NRG1: variants seen among roughly 807,000 people sequenced by gnomAD.
NRG1 encodes neuregulin 1, also known as pro-neuregulin-1, membrane-bound isoform.
Under a neutral mutation model 63.8 loss-of-function variants are expected in NRG1, and 18 were observed. The observed-to-expected ratio is 0.28, with a 90% CI of 0.19 to 0.42. The LOEUF (loss-of-function observed/expected upper bound fraction) is 0.42, where lower values mean the gene tolerates loss of function less well. Among genes scored for constraint, NRG1 ranks in the 10% least tolerant of loss-of-function variants. The pLI is 1.00. For missense variants in NRG1, 762 were observed against 814.7 expected (o/e 0.94, Z 0.79); for synonymous variants, 302 against 301.3 (o/e 1.00, Z -0.02).
At chr8:32,518,165 T>A (rs1163389443) in intron 1 of NRG1, among the ~76,000 whole-genome samples, 1 of 152,184 alleles carries the variant, frequency 6.6e-6, no homozygotes, top group Non-Finnish European at 1.5e-5. Context: ...CATCACATCC[T>A]TTTCATGCTT....
chr8:32,297,959 C>G (rs192172969), intron 1 of NRG1, among the ~76,000 whole-genome samples: 7 of 152,166 alleles, frequency 4.6e-5, no homozygotes, highest in Non-Finnish European at 8.8e-5. Flanking sequence ...CTACTAGAAG[C>G]GAACTAATTC....
intron 1 of NRG1, among the ~76,000 whole-genome samples, chr8:32,220,565 G>A (rs894757593): frequency 3.3e-5 from 5 of 152,098 alleles, no homozygotes; most frequent in African/African-American, 1.2e-4. Context: ...CAAAGAACTT[G>A]GGGAGAAATA....
chr8:32,030,685 C>G (rs1818132732), intron 1 of NRG1, among the ~76,000 whole-genome samples: 1 of 152,034 alleles, frequency 6.6e-6, no homozygotes, highest in Non-Finnish European at 1.5e-5. Flanking sequence ...TGCTTAATCC[C>G]CTTCACAAAG....
In NRG1 at chr8:31,955,013, A is replaced by T. The variant is rs1259574552; in HGVS notation, c.37+315582A>T. Among the ~76,000 whole-genome samples the T allele has an allele frequency of 3.3e-5, 5 of 152,276 alleles. No homozygotes were observed. In the East Asian group the frequency reaches 7.7e-4, roughly 24 times the overall value. Reference sequence around the variant, plus strand: ...AAGAGAAATAGAGGGAGTGGAGGGGATGAGAGAAGGGAAAGAGAAAGAGAG... The same window carrying T: ...AAGAGAAATAGAGGGAGTGGAGGGGTTGAGAGAAGGGAAAGAGAAAGAGAG... On this transcript the variant is annotated intron_variant, in intron 1 of 10. Transcript: ENST00000519301.
chr8:32,299,025 CA>C (rs34799826), intron 1 of NRG1, among the ~76,000 whole-genome samples: 949 of 59,560 alleles, frequency 0.016, 3 homozygotes, highest in Middle Eastern at 0.031. Flanking sequence ...GACTCTATCT[CA>C]AAAAAAAAAA....
chr8:31,846,589 C>T (rs1269816923), intron 1 of NRG1, among the ~76,000 whole-genome samples: 1 of 152,136 alleles, frequency 6.6e-6, no homozygotes, highest in Non-Finnish European at 1.5e-5. Flanking sequence ...ACTGTAAGTG[C>T]TCACAGGATA....
chr8:31,878,429 G>A lies in NRG1; in HGVS notation c.37+238998G>A, dbSNP rs562978866. The stretch of plus-strand genomic sequence containing the variant: ...ATGTACGAGTGCAATAAGGAGTTGC[G>A]TTTGATAGGGCCAAAAAGCCCTGAA... On this transcript the variant is annotated intron_variant, in intron 1 of 10. Coordinates refer to the NRG1 transcript ENST00000519301. Among the ~76,000 whole-genome samples, 200 of 152,226 alleles carry A rather than the reference G, an allele frequency of 1.3e-3. 1 individual carries two copies. Among genetic ancestry groups the A allele is most frequent in the African/African-American group, 4.7e-3 (194 of 41,542 alleles).
chr8:31,901,283 C>G (rs1368533257), intron 1 of NRG1, among the ~76,000 whole-genome samples: 1 of 152,160 alleles, frequency 6.6e-6, no homozygotes, highest in Non-Finnish European at 1.5e-5. Flanking sequence ...GGTTCTTTCT[C>G]TTCTACATGT....
chr8:32,386,759 A>G (rs1209217442), intron 1 of NRG1, among the ~76,000 whole-genome samples: 1 of 152,210 alleles, frequency 6.6e-6, no homozygotes, highest in Non-Finnish European at 1.5e-5. Context: ...CCAATTTTGT[A>G]CTTTCTCTTT....
At chr8:31,905,022 G>GT (rs869027292) in intron 1 of NRG1, among the ~76,000 whole-genome samples, 1 of 146,958 alleles carries the variant, frequency 6.8e-6, no homozygotes, top group South Asian at 2.1e-4. Flanking sequence ...CCAAAATAAA[G>GT]TTTTTTTAAA....
intron 1 of NRG1, among the ~76,000 whole-genome samples, chr8:32,102,031 G>A (rs1585302032): frequency 6.6e-6 from 1 of 152,152 alleles, no homozygotes; most frequent in East Asian, 1.9e-4. Context: ...TCGTCGGAGG[G>A]TAAATCTGGC....
At chr8:32,151,055 G>A (rs1585671104) in intron 1 of NRG1, among the ~76,000 whole-genome samples, 1 of 152,118 alleles carries the variant, frequency 6.6e-6, no homozygotes, top group African/African-American at 2.4e-5. Context: ...TCAGGAAGAA[G>A]TGTAATAGCT....
chr8:32,240,731 C>T (rs1848014881), intron 1 of NRG1, among the ~76,000 whole-genome samples: 1 of 151,922 alleles, frequency 6.6e-6, no homozygotes, highest in Non-Finnish European at 1.5e-5. Context: ...AAAAAAAATG[C>T]TTTGTCCTAT....
At chr8:32,445,600 C>A (rs1260482165) in intron 1 of NRG1, among the ~76,000 whole-genome samples, 13 of 152,138 alleles carry the variant, frequency 8.5e-5, no homozygotes, top group Non-Finnish European at 1.2e-4. Flanking sequence ...ACCAAAAAAA[C>A]AAACAACAAT....
chr8:32,540,880 GTAATC>G (rs1832508445), intron 1 of NRG1, among the ~76,000 whole-genome samples: 1 of 148,492 alleles, frequency 6.7e-6, no homozygotes, highest in Non-Finnish European at 1.5e-5. Context: ...CCATAAGAAT[GTAATC>G]TTCTGCATGG....
downstream of NRG1, among the ~76,000 whole-genome samples, chr8:32,769,137 T>C (rs189018561): frequency 1.6e-3 from 248 of 152,328 alleles, no homozygotes; most frequent in African/African-American, 5.7e-3. Context: ...CAACCAGCCA[T>C]GCAGAGAATA....
intron 1 of NRG1, among the ~76,000 whole-genome samples, chr8:31,857,872 AACAT>A (rs1347930240): frequency 2.0e-5 from 3 of 152,232 alleles, no homozygotes; most frequent in African/African-American, 7.2e-5. Flanking sequence ...GGAACTAACG[AACAT>A]ACAGTGTAGT....
At chr8:32,414,589 C>T (rs1004177743) in intron 1 of NRG1, among the ~76,000 whole-genome samples, 4 of 152,110 alleles carry the variant, frequency 2.6e-5, no homozygotes, top group African/African-American at 9.7e-5. Context: ...CAGAGACTAT[C>T]CTGGTGGGAG....
At chr8:31,741,744 G>A (rs936887769) in intron 1 of NRG1, among the ~76,000 whole-genome samples, 6 of 151,960 alleles carry the variant, frequency 3.9e-5, no homozygotes, top group Non-Finnish European at 1.5e-5. Context: ...AAGCAATACT[G>A]CTTTGGGGTA....
Sources: allele counts gnomAD v4.1 joint callset (sites outside exome capture counted in the v4.1 genomes callset), GRCh38; gene constraint gnomAD v4.1.1; transcripts MANE v1.5; gene names NCBI Gene and HGNC (gene_info 2026-07-23, HGNC 2026-07-21).